Variants in BMP2K observed in about 807,000 individuals in gnomAD.
BMP2K encodes BMP-2-inducible protein kinase.
BMP2K carries 74 observed loss-of-function variants against 116.0 expected under a neutral mutation model. The observed-to-expected ratio is 0.64, with a 90% CI of 0.53 to 0.77. The LOEUF (loss-of-function observed/expected upper bound fraction) is 0.77, where lower values mean the gene tolerates loss of function less well. Ranked by LOEUF, BMP2K falls within the 30% of genes least tolerant of loss-of-function variation. The probability of loss-of-function intolerance (pLI) is 0.00; values close to 1 mark genes in which losing one functional copy is unlikely to be tolerated. For synonymous variants in BMP2K, 486 were observed against 502.5 expected (o/e 0.97, Z 0.44); for missense variants, 1,365 against 1,403.6 (o/e 0.97, Z 0.44).
chr4:78,808,647 C>T (rs746321885), intron 1 of BMP2K, among the ~76,000 whole-genome samples: 78 of 152,026 alleles, frequency 5.1e-4, no homozygotes, highest in Non-Finnish European at 9.6e-4. Flanking sequence ...TAAGTTTTGG[C>T]GTGCTGTTTT....
chr4:78,867,218 A>G (rs1319452025), intron 10 of BMP2K, among the ~76,000 whole-genome samples: 1 of 152,104 alleles, frequency 6.6e-6, no homozygotes, highest in African/African-American at 2.4e-5. Context: ...GTGTTATGAT[A>G]TGTTTAGGTT....
intron 1 of BMP2K, among the ~76,000 whole-genome samples, chr4:78,801,599 A>G (rs1728571137): frequency 6.6e-6 from 1 of 152,000 alleles, no homozygotes; most frequent in African/African-American, 2.4e-5. Context: ...TATAGGTTTA[A>G]TTCTTTTTCT....
Position 78,865,684 on chromosome 4 carries a change from C to G in BMP2K, c.1195C>G (p.Leu399Val). 1 of 1,614,086 alleles carries G rather than the reference C, an allele frequency of 6.2e-7. No individual in the cohort carries two copies. The highest frequency in any genetic ancestry group is 2.2e-5 in the East Asian group (1 of 44,874). Residue 399 changes from leucine (L) to valine (V), a missense_variant, in exon 10 of 16, where the codon CTT (leucine) becomes GTT (valine). This residue lies in a region of BMP2K where 762 missense variants were observed against 756.7 expected (regional missense o/e 1.01). Transcript: ENST00000502613. ...AAGTTCAGCAACACCTGTTAAAGTC[C>G]TTGCTCCTGGTGAATTCGGTAACCA... ...IQSSATPVKV[L>V]APGEFGNHRP... is the part of the protein sequence containing the mutation.
Position 78,776,625 on chromosome 4 carries a change from G to A in BMP2K, c.82G>A (p.Ala28Thr). ...GGGTGGCGGGGCTGGCGGGGCCGGG[G>A]CCGGGGCCGGCTGCGGCTCCGGCGG... ...AAGGGAGGAG[A>T]GAGCGSGGSS... is the part of the protein sequence containing the mutation. The change falls in exon 1 of 16, where the codon GCC becomes ACC. Residue 28 changes from alanine to threonine, a missense_variant. By Grantham distance (58) the Ala-to-Thr change is moderately conservative. Around this residue, in one of 3 missense-constraint regions of BMP2K, gnomAD observed 762 missense variants for 756.7 expected, o/e 1.01. Coordinates refer to ENST00000502613, the MANE Select transcript of BMP2K (RefSeq NM_198892.2). 7 of 1,208,260 alleles carry A rather than the reference G, an allele frequency of 5.8e-6. No homozygotes were observed. The highest frequency in any genetic ancestry group is 7.2e-6 in the Non-Finnish European group (7 of 969,352). 74.8% of individuals were successfully genotyped at this position (1,208,260 alleles called of 1,614,324 possible). A position where few individuals can be genotyped will look rare whatever the true frequency, so the allele number is the denominator to read the frequency against.
At position 78,870,947 on chromosome 4, in the gene BMP2K, C is replaced by A. The variant is rs755759610; in HGVS notation, c.1396C>A (p.Gln466Lys). 6.2e-7 allele frequency: 1 copy of A among 1,611,886 alleles called. No homozygotes were observed. The highest frequency in any genetic ancestry group is 1.7e-5 in the Admixed American group (1 of 59,934). Residue 466 changes from glutamine (Q) to lysine (K), a missense_variant, in exon 11 of 16, where the codon CAG becomes AAG. This residue lies in a region of BMP2K where 762 missense variants were observed against 756.7 expected (regional missense o/e 1.01). Transcript: ENST00000502613. ...RHPHQQQQQQ[Q>K]QQQQQQQQQQ... ...TCCTCACCAGCAGCAGCAGCAGCAGCAGCAGCAACAGCAACAGCAGCAGCA... is the reference window on the plus strand; with the variant it reads ...TCCTCACCAGCAGCAGCAGCAGCAGAAGCAGCAACAGCAACAGCAGCAGCA...
At chr4:78,870,700 A>G (rs1732285604) in intron 10 of BMP2K, 83 bp from the exon 11 acceptor site, 2 of 1,497,522 alleles carry the variant, frequency 1.3e-6, no homozygotes, top group East Asian at 4.6e-5. Context: ...TAGTTAAATT[A>G]TTATTGAAAT....
intron 15 of BMP2K, among the ~76,000 whole-genome samples, chr4:78,889,561 G>A (rs917063291): frequency 8.6e-5 from 13 of 151,944 alleles, no homozygotes; most frequent in Non-Finnish European, 1.8e-4. Context: ...TTCTTTAATA[G>A]CAAAATAATT....
intron 15 of BMP2K, among the ~76,000 whole-genome samples, chr4:78,905,191 G>A (rs1198894843): frequency 6.6e-6 from 1 of 151,748 alleles, no homozygotes; most frequent in Non-Finnish European, 1.5e-5. Flanking sequence ...GATATTGGTT[G>A]ATCATATAGA....
chr4:78,911,493 A>G lies in BMP2K; in HGVS notation c.2946A>G (p.Gln982=). 1 of 1,614,074 alleles carries G rather than the reference A, an allele frequency of 6.2e-7. No individual in the cohort carries two copies. Among genetic ancestry groups the G allele is most frequent in the Non-Finnish European group, 8.5e-7 (1 of 1,179,906 alleles). ...GCTTACAGAAACTGTCCTCTCGCCA[A>G]AGGCGCACAAAGCAGGATATGTCCA... is the stretch of plus-strand genomic sequence containing the variant. The part of the protein sequence containing the change: ...QRSLQKLSSR[Q]RRTKQDMSKS... Residue 982 remains glutamine (Q), a synonymous_variant, in exon 16 of 16, where the codon CAA becomes CAG. Coordinates refer to ENST00000502613, the MANE Select transcript of BMP2K (RefSeq NM_198892.2).
chr4:78,849,817 A>G (rs1344211600), intron 6 of BMP2K, among the ~76,000 whole-genome samples: 2 of 151,738 alleles, frequency 1.3e-5, no homozygotes, highest in African/African-American at 4.8e-5. Context: ...TCATTGGACC[A>G]TTGCTGCAAT....
intron 15 of BMP2K, among the ~76,000 whole-genome samples, chr4:78,897,384 T>C (rs933884881): frequency 2.0e-5 from 3 of 152,154 alleles, no homozygotes; most frequent in African/African-American, 7.2e-5. Context: ...TAGTGCTGTT[T>C]TTAAAATGAT....
chr4:78,799,283 A>G (rs1728452538), intron 1 of BMP2K, among the ~76,000 whole-genome samples: 2 of 152,224 alleles, frequency 1.3e-5, no homozygotes, highest in Admixed American at 6.5e-5. Context: ...GAATATCATG[A>G]AAGTTCTGTA....
rs537421805 is a variant in BMP2K, at chr4:78,897,836, G to A, written c.2062+10552G>A. ...AGAGTTTTATCTGAAAATCTAAAAGGATTATTATAAAGATTACAGCCCTTG... is the reference window on the plus strand; with the variant it reads ...AGAGTTTTATCTGAAAATCTAAAAGAATTATTATAAAGATTACAGCCCTTG... On this transcript the variant is annotated intron_variant, in intron 15 of 15. Transcript: ENST00000502613. Among the ~76,000 whole-genome samples, 11 of 152,270 alleles carry A rather than the reference G, an allele frequency of 7.2e-5. No individual in the cohort carries two copies. In the South Asian group the frequency reaches 2.1e-3, roughly 29 times the overall value.
At chr4:78,882,551 A>C (rs1732916554) in intron 14 of BMP2K, among the ~76,000 whole-genome samples, 1 of 151,842 alleles carries the variant, frequency 6.6e-6, no homozygotes, top group Non-Finnish European at 1.5e-5. Context: ...TTAATATGAC[A>C]ATTTAAAATT....
intron 4 of BMP2K, among the ~76,000 whole-genome samples, chr4:78,844,215 T>G (rs1730892956): frequency 6.6e-6 from 1 of 151,764 alleles, no homozygotes; most frequent in Non-Finnish European, 1.5e-5. Flanking sequence ...ATTCATATTC[T>G]AATTGTCCCC....
At chr4:78,907,046 A>G (rs929201020) in intron 15 of BMP2K, among the ~76,000 whole-genome samples, 1 of 152,180 alleles carries the variant, frequency 6.6e-6, no homozygotes, top group Non-Finnish European at 1.5e-5. Flanking sequence ...GAAAAAGTGC[A>G]TGAATCATGG....
At chr4:78,778,492 G>A (rs1478496424) in intron 1 of BMP2K, among the ~76,000 whole-genome samples, 1 of 152,174 alleles carries the variant, frequency 6.6e-6, no homozygotes, top group East Asian at 1.9e-4. Context: ...ATGCTAGGAG[G>A]AAGCAAGGAC....
rs78801347 is a variant in BMP2K at position 78,904,849 on chromosome 4, A to G, written c.2063-5761A>G. Among the ~76,000 whole-genome samples the G allele has an allele frequency of 5.0e-3, 753 of 152,058 alleles. 2 individuals carry two copies. Among genetic ancestry groups the G allele is most frequent in the African/African-American group, 0.017 (712 of 41,558 alleles). On this transcript the variant is annotated intron_variant, in intron 15 of 15. Transcript: ENST00000502613. ...TAATTATTATATATTGTGAAAGTCT[A>G]TGATTTTATTATTTTAACTAGGTTC...
chr4:78,803,070 G>A (rs1034169136), intron 1 of BMP2K, among the ~76,000 whole-genome samples: 6 of 151,834 alleles, frequency 4.0e-5, no homozygotes, highest in African/African-American at 9.7e-5. Flanking sequence ...GGCTGGTCTC[G>A]ACCTCCTGAC....
Sources: gnomAD v4.1 joint callset for allele counts (sites outside exome capture counted in the v4.1 genomes callset) on GRCh38, gnomAD v4.1.1 for gene constraint, gnomAD v4.1.1 regional missense constraint, MANE v1.5 for transcripts, NCBI Gene and HGNC (gene_info 2026-07-23, HGNC 2026-07-21) for gene names.